EYA2: variants seen among roughly 807,000 people sequenced by gnomAD.
EYA2 encodes the protein EYA transcriptional coactivator and phosphatase 2, also known as protein phosphatase EYA2.
A neutral mutation model predicts 69.2 loss-of-function variants in EYA2; 31 were observed. That is an observed-to-expected ratio of 0.45 (90% CI 0.34 to 0.60). The LOEUF is 0.60. Ranked by LOEUF, EYA2 falls within the 20% of genes least tolerant of loss-of-function variation. EYA2 has a pLI of 0.02. For synonymous variants in EYA2, 257 were observed against 279.4 expected (o/e 0.92, Z 0.80); for missense variants, 622 against 701.2 (o/e 0.89, Z 1.28).
intron 5 of EYA2, among the ~76,000 whole-genome samples, chr20:47,059,585 G>A (rs968978812): frequency 6.6e-6 from 1 of 152,156 alleles, no homozygotes; most frequent in Non-Finnish European, 1.5e-5. Flanking sequence ...TCCTGACCTC[G>A]TGATCCACCT....
At chr20:47,030,244 C>A (rs1984327999) in intron 5 of EYA2, among the ~76,000 whole-genome samples, 1 of 152,202 alleles carries the variant, frequency 6.6e-6, no homozygotes, top group Non-Finnish European at 1.5e-5. Context: ...CCACACATTG[C>A]AGAATGTCTG....
chr20:46,987,044 A>G (rs1237342494), intron 1 of EYA2, among the ~76,000 whole-genome samples: 1 of 152,224 alleles, frequency 6.6e-6, no homozygotes, highest in African/African-American at 2.4e-5. Context: ...TTTCAGGCAT[A>G]CAAAGATGGG....
intron 1 of EYA2, among the ~76,000 whole-genome samples, chr20:46,964,965 T>C (rs1291633929): frequency 6.6e-6 from 1 of 152,112 alleles, no homozygotes; most frequent in African/African-American, 2.4e-5. Flanking sequence ...GCCTGGAGCT[T>C]AGGACGTGCT....
chr20:47,102,568 T>C (rs564474003), intron 9 of EYA2, among the ~76,000 whole-genome samples: 86 of 152,316 alleles, frequency 5.6e-4, no homozygotes, highest in Admixed American at 2.4e-3. Flanking sequence ...TTGCTGTTTT[T>C]TGGGGGAACT....
chr20:47,122,828 C>T (rs973159167), intron 9 of EYA2, among the ~76,000 whole-genome samples: 16 of 152,240 alleles, frequency 1.1e-4, no homozygotes, highest in South Asian at 2.1e-4. Context: ...TTTGTGCTAC[C>T]GCAGCAGAGT....
chr20:47,007,842 G>A (rs1434292742), intron 4 of EYA2, among the ~76,000 whole-genome samples: 2 of 151,892 alleles, frequency 1.3e-5, no homozygotes, highest in Non-Finnish European at 2.9e-5. Flanking sequence ...TGCCCAGGCT[G>A]GTCTTGAACT....
intron 1 of EYA2, among the ~76,000 whole-genome samples, chr20:46,898,832 G>A (rs936812359): frequency 2.0e-5 from 3 of 152,190 alleles, no homozygotes; most frequent in Non-Finnish European, 4.4e-5. Flanking sequence ...CCTGCCAGGT[G>A]TATTTAGAGG....
chr20:47,071,198 CAG>C (rs1432320962), intron 5 of EYA2, among the ~76,000 whole-genome samples: 2 of 151,742 alleles, frequency 1.3e-5, no homozygotes, highest in Non-Finnish European at 2.9e-5. Flanking sequence ...TTAGTAGAGA[CAG>C]AATTTCACCA....
rs745659431 is a variant in EYA2, at chr20:47,169,210, G to A, written c.1037+13G>A. 3.1e-6 allele frequency: 5 copies of A among 1,613,290 alleles called. No homozygotes were observed. Among genetic ancestry groups the A allele is most frequent in the Non-Finnish European group, 4.2e-6 (5 of 1,179,334 alleles). The stretch of plus-strand genomic sequence containing the variant: ...GCCAAGATTTAAGGTGGGAATTTGG[G>A]GAGTCAAAAATGCCCATTGATTGAT... On this transcript the variant is annotated intron_variant, in intron 11 of 15. Transcript: ENST00000327619.
intron 1 of EYA2, among the ~76,000 whole-genome samples, chr20:46,933,385 G>A (rs181680506): frequency 2.6e-5 from 4 of 152,264 alleles, no homozygotes; most frequent in Admixed American, 6.5e-5. Context: ...CTGTTGGATC[G>A]GCTGGCCACA....
chr20:46,945,990 C>T (rs1395095160), intron 1 of EYA2, among the ~76,000 whole-genome samples: 1 of 152,160 alleles, frequency 6.6e-6, no homozygotes, highest in Non-Finnish European at 1.5e-5. Context: ...AGAGCACACT[C>T]GCAACCCAAG....
intron 8 of EYA2, among the ~76,000 whole-genome samples, chr20:47,089,768 G>T (rs1354823028): frequency 6.6e-6 from 1 of 152,138 alleles, no homozygotes; most frequent in Non-Finnish European, 1.5e-5. Context: ...ATAAAGAAAA[G>T]AATGGGCCTC....
At chr20:47,086,572 G>T (rs1158373356) in intron 7 of EYA2, among the ~76,000 whole-genome samples, 1 of 152,126 alleles carries the variant, frequency 6.6e-6, no homozygotes, top group Non-Finnish European at 1.5e-5. Flanking sequence ...TAAACAGCCA[G>T]ATCTCATGAG....
chr20:47,047,494 C>A (rs1568744203), intron 5 of EYA2, among the ~76,000 whole-genome samples: 1 of 151,910 alleles, frequency 6.6e-6, no homozygotes, highest in Non-Finnish European at 1.5e-5. Flanking sequence ...TCAAGCGATT[C>A]TCCCACCTCA....
chr20:47,082,000 C>T (rs1414399432), intron 7 of EYA2, among the ~76,000 whole-genome samples: 5 of 151,386 alleles, frequency 3.3e-5, no homozygotes, highest in Non-Finnish European at 5.9e-5. Context: ...CTACCATGCC[C>T]GGCTAATTTT....
chr20:46,901,005 C>T (rs1050485758), intron 1 of EYA2: 6 of 152,174 alleles, frequency 3.9e-5, no homozygotes, highest in African/African-American at 1.4e-4. Flanking sequence ...TTACCTTGGC[C>T]ACCTCTAAAT....
rs758427111 is a variant in EYA2 at position 47,188,059 on chromosome 20, A to T, written c.1543A>T (p.Met515Leu). The change falls in exon 16 of 16, where the codon ATG becomes TTG. Residue 515 changes from methionine (M) to leucine (L), a missense_variant. By Grantham distance (15) the Met-to-Leu change is conservative (BLOSUM62 2). This residue lies in a region of EYA2 where 257 missense variants were observed against 351.5 expected (regional missense o/e 0.73). Transcript: ENST00000327619. ...EEEQGAKKHNMPFWRISCHAD... is the reference protein window; with the variant it reads ...EEEQGAKKHNLPFWRISCHAD... ...CTGGTGTTCTGTGTTTCAGCACAAC[A>T]TGCCTTTCTGGCGGATATCCTGCCA... The T allele has an allele frequency of 4.5e-6, 7 of 1,570,172 alleles. No homozygotes were observed. Among genetic ancestry groups the T allele is most frequent in the East Asian group, 2.3e-5 (1 of 42,660 alleles).
chr20:47,149,563 G>C (rs1465666191), intron 10 of EYA2, among the ~76,000 whole-genome samples: 2 of 151,910 alleles, frequency 1.3e-5, no homozygotes, highest in East Asian at 3.9e-4. Flanking sequence ...ACAAGTTTGG[G>C]CCAGGCACGA....
chr20:47,180,965 T>C (rs2034526598), intron 14 of EYA2, 29 bp downstream of exon 14: 2 of 1,609,736 alleles, frequency 1.2e-6, no homozygotes, highest in East Asian at 2.2e-5. Context: ...TCGGCGGGGA[T>C]ACAGGGTTGG....
Sources: allele counts gnomAD v4.1 joint callset (sites outside exome capture counted in the v4.1 genomes callset), GRCh38; gene constraint gnomAD v4.1.1; regional missense constraint gnomAD v4.1.1; transcripts MANE v1.5; gene names NCBI Gene and HGNC (gene_info 2026-07-23, HGNC 2026-07-21).